The following RALGPS1 variants were observed in gnomAD, a reference collection of about 807,000 sequenced individuals.
RALGPS1 encodes the protein ras-specific guanine nucleotide-releasing factor RalGPS1.
A neutral mutation model predicts 78.8 loss-of-function variants in RALGPS1; 19 were observed. The ratio of observed to expected loss-of-function variants is 0.24; its 90% confidence interval spans 0.17 to 0.35. The LOEUF (loss-of-function observed/expected upper bound fraction) is 0.35, where lower values mean the gene tolerates loss of function less well. Ranked by LOEUF, RALGPS1 falls within the 10% of genes least tolerant of loss-of-function variation. RALGPS1 has a pLI of 1.00. For synonymous variants in RALGPS1, 228 were observed against 256.3 expected, an observed-to-expected ratio of 0.89 and a Z score of 1.06; for missense variants, 454 against 688.3, an observed-to-expected ratio of 0.66 and a Z score of 3.81.
chr9:127,177,997 T>C (rs1296235726), intron 11 of RALGPS1: 8 of 1,538,270 alleles, frequency 5.2e-6, no homozygotes, highest in Non-Finnish European at 7.0e-6. Context: ...GAGACTTTAA[T>C]GAACAGAACC....
intron 8 of RALGPS1, among the ~76,000 whole-genome samples, chr9:127,114,463 A>T (rs1158038061): frequency 1.3e-5 from 2 of 152,340 alleles, no homozygotes; most frequent in East Asian, 3.9e-4. Context: ...GAAACCCAAA[A>T]GAGGTTGTTC....
rs187626726 is a variant in RALGPS1, at chr9:127,078,222, T to C, written c.610+8866T>C. ...TATTTCCATGATTTTGAAGAGTGGT[T>C]AGCTACATTTTGTTTCAAATCTCTC... is the stretch of plus-strand genomic sequence containing the variant. On this transcript the variant is annotated intron_variant, in intron 8 of 18. Transcript: ENST00000259351. 2.4e-3 allele frequency among the ~76,000 whole-genome samples: 371 copies of C among 152,324 alleles called. 3 individuals carry two copies. Among genetic ancestry groups the C allele is most frequent in the African/African-American group, 8.4e-3 (350 of 41,564 alleles).
chr9:127,143,233 C>T (rs1267610745), intron 8 of RALGPS1, among the ~76,000 whole-genome samples: 1 of 152,172 alleles, frequency 6.6e-6, no homozygotes, highest in Non-Finnish European at 1.5e-5. Flanking sequence ...AGTGCAACTG[C>T]TGAGTCAAAG....
At chr9:127,012,598 CG>C (rs900597698) in intron 4 of RALGPS1, among the ~76,000 whole-genome samples, 12 of 152,314 alleles carry the variant, frequency 7.9e-5, no homozygotes, top group African/African-American at 2.2e-4. Context: ...GTAGTCAGGA[CG>C]GGCTGAGCTG....
chr9:127,040,894 C>A (rs142988139), intron 5 of RALGPS1, among the ~76,000 whole-genome samples: 1 of 152,222 alleles, frequency 6.6e-6, no homozygotes, highest in Non-Finnish European at 1.5e-5. Flanking sequence ...TATGTCTTGA[C>A]AGCTCTTTTG....
chr9:126,945,074 C>T (rs1031212960), intron 1 of RALGPS1, among the ~76,000 whole-genome samples: 8 of 152,204 alleles, frequency 5.3e-5, no homozygotes, highest in African/African-American at 1.9e-4. Context: ...CCAGGAGGCT[C>T]CCCACTGCTG....
intron 14 of RALGPS1, among the ~76,000 whole-genome samples, chr9:127,210,118 A>G (rs2062159342): frequency 1.3e-5 from 2 of 152,192 alleles, no homozygotes; most frequent in Admixed American, 1.3e-4. Context: ...GTGAGAGGAA[A>G]GCCAGAGGGC....
intron 8 of RALGPS1, among the ~76,000 whole-genome samples, chr9:127,155,536 G>A (rs964954249): frequency 1.3e-5 from 2 of 152,190 alleles, no homozygotes; most frequent in Non-Finnish European, 2.9e-5. Flanking sequence ...GGCTGGAAAG[G>A]TAGTGTGGGG....
chr9:126,996,985 C>G (rs991373764), intron 4 of RALGPS1, among the ~76,000 whole-genome samples: 1 of 151,744 alleles, frequency 6.6e-6, no homozygotes, highest in African/African-American at 2.4e-5. Flanking sequence ...TTCAACAACG[C>G]TTCATGCTAA....
chr9:127,038,285 G>A (rs890375368), intron 5 of RALGPS1, among the ~76,000 whole-genome samples: 5 of 152,144 alleles, frequency 3.3e-5, no homozygotes, highest in Admixed American at 6.6e-5. Context: ...CAATTTTCAC[G>A]TGCCTAATGA....
At chr9:126,937,185 A>G (rs908550545) in intron 1 of RALGPS1, among the ~76,000 whole-genome samples, 5 of 152,188 alleles carry the variant, frequency 3.3e-5, no homozygotes, top group Non-Finnish European at 5.9e-5. Flanking sequence ...ATCTCAATGG[A>G]TTAAACTGCT....
intron 7 of RALGPS1, among the ~76,000 whole-genome samples, chr9:127,054,702 G>C (rs2048567317): frequency 6.6e-6 from 1 of 152,126 alleles, no homozygotes; most frequent in Admixed American, 6.5e-5. Flanking sequence ...TCCAGGCCAG[G>C]TGCAGTGACT....
chr9:127,071,050 T>C (rs1462575403), intron 8 of RALGPS1, among the ~76,000 whole-genome samples: 1 of 150,908 alleles, frequency 6.6e-6, no homozygotes, highest in Admixed American at 6.6e-5. Flanking sequence ...TATATATATA[T>C]ACACTAAATA....
chr9:127,132,578 A>AGG (rs2057083627), intron 8 of RALGPS1, among the ~76,000 whole-genome samples: 3 of 152,194 alleles, frequency 2.0e-5, no homozygotes, highest in Admixed American at 2.0e-4. Flanking sequence ...GACACACACC[A>AGG]GGGGGTGCTC....
chr9:127,163,623 G>A (rs892405765), intron 8 of RALGPS1, among the ~76,000 whole-genome samples: 1 of 152,218 alleles, frequency 6.6e-6, no homozygotes, highest in Non-Finnish European at 1.5e-5. Flanking sequence ...ATGGCAGGAA[G>A]TGTGTACCCT....
intron 8 of RALGPS1, among the ~76,000 whole-genome samples, chr9:127,109,641 A>G (rs2054599771): frequency 6.6e-6 from 1 of 152,242 alleles, no homozygotes; most frequent in Non-Finnish European, 1.5e-5. Context: ...TTCTTGGACC[A>G]TTCATCCTTT....
chr9:127,134,425 G>T (rs1020848821), intron 8 of RALGPS1, among the ~76,000 whole-genome samples: 1 of 152,112 alleles, frequency 6.6e-6, no homozygotes, highest in Non-Finnish European at 1.5e-5. Context: ...CCCCACCTAA[G>T]ACCCCTTTCA....
chr9:126,981,837 T>C (rs2041270385), intron 4 of RALGPS1, among the ~76,000 whole-genome samples: 1 of 152,172 alleles, frequency 6.6e-6, no homozygotes, highest in African/African-American at 2.4e-5. Flanking sequence ...ATAGTCTCTG[T>C]GGGTGAAGAA....
At chr9:127,080,136 G>T (rs1438104287) in intron 8 of RALGPS1, among the ~76,000 whole-genome samples, 1 of 152,156 alleles carries the variant, frequency 6.6e-6, no homozygotes, top group Non-Finnish European at 1.5e-5. Flanking sequence ...AGAAAGATGG[G>T]TGCCTGGGGA....
Sources: gnomAD v4.1 joint callset for allele counts (sites outside exome capture counted in the v4.1 genomes callset) on GRCh38, gnomAD v4.1.1 for gene constraint, MANE v1.5 for transcripts, NCBI Gene and HGNC (gene_info 2026-07-23, HGNC 2026-07-21) for gene names.